RBFOX1: variants seen among roughly 807,000 people sequenced by gnomAD.
RBFOX1 encodes the protein RNA binding protein fox-1 homolog 1.
RBFOX1 carries 8 observed loss-of-function variants against 57.7 expected under a neutral mutation model. The observed-to-expected ratio is 0.14, with a 90% CI of 0.08 to 0.25. The LOEUF is 0.25. Among genes scored for constraint, RBFOX1 ranks in the 10% least tolerant of loss-of-function variants. The pLI, the probability that RBFOX1 is intolerant of heterozygous loss-of-function variation, is 1.00. For missense variants in RBFOX1, 611 were observed against 548.5 expected (o/e 1.11, Z -1.14); for synonymous variants, 326 against 222.4 (o/e 1.47, Z -4.15).
chr16:6,652,265 A>G (rs538222199), intron 2 of RBFOX1, among the ~76,000 whole-genome samples: 1 of 152,268 alleles, frequency 6.6e-6, no homozygotes, highest in Non-Finnish European at 1.5e-5. Context: ...CCTGGCCAAT[A>G]TGGTGAAATC....
intron 4 of RBFOX1, among the ~76,000 whole-genome samples, chr16:7,207,888 C>T (rs190585875): frequency 5.3e-5 from 8 of 152,278 alleles, no homozygotes; most frequent in Admixed American, 5.2e-4. Context: ...TAAATGGTGA[C>T]AGTGAGAGTT....
At chr16:6,351,374 T>TATATATA (rs1484529098) in intron 2 of RBFOX1, among the ~76,000 whole-genome samples, 1 of 50,682 alleles carries the variant, frequency 2.0e-5, no homozygotes, top group East Asian at 4.2e-4. Context: ...ATATATATAT[T>TATATATA]TTTTTTTTTT....
At chr16:6,321,724 A>G (rs77885683) in intron 2 of RBFOX1, among the ~76,000 whole-genome samples, 2,264 of 152,316 alleles carry the variant, frequency 0.015, 62 homozygotes, top group African/African-American at 0.052. Context: ...AGATAAATGC[A>G]TCCACCTTTT....
chr16:6,150,099 C>T (rs1255757810), intron 1 of RBFOX1, among the ~76,000 whole-genome samples: 1 of 152,166 alleles, frequency 6.6e-6, no homozygotes, highest in African/African-American at 2.4e-5. Flanking sequence ...GATGAAAAAT[C>T]ATGGCTTTTG....
chr16:6,590,897 T>G (rs78907160), intron 2 of RBFOX1, among the ~76,000 whole-genome samples: 2,937 of 152,216 alleles, frequency 0.019, 99 homozygotes, highest in African/African-American at 0.066. Flanking sequence ...AAGCAGACCA[T>G]GCATTTGCAC....
At chr16:6,163,365 C>G (rs2096893445) in intron 1 of RBFOX1, among the ~76,000 whole-genome samples, 1 of 152,192 alleles carries the variant, frequency 6.6e-6, no homozygotes, top group Admixed American at 6.5e-5. Context: ...AAACAGATTT[C>G]ATCTGGGAAT....
At chr16:5,343,011 A>G (rs755694477) in intron 1 of RBFOX1, among the ~76,000 whole-genome samples, 3 of 152,182 alleles carry the variant, frequency 2.0e-5, no homozygotes, top group Non-Finnish European at 4.4e-5. Context: ...ACCACCCAAG[A>G]CTAAGTCAAT....
chr16:5,706,856 G>T (rs1444186204), intron 3 of RBFOX1, among the ~76,000 whole-genome samples: 1 of 151,662 alleles, frequency 6.6e-6, no homozygotes, highest in Non-Finnish European at 1.5e-5. Flanking sequence ...CTTTTTTTTT[G>T]GTGTAGGAGG....
At chr16:6,615,989 C>T (rs949878855) in intron 2 of RBFOX1, among the ~76,000 whole-genome samples, 1 of 152,152 alleles carries the variant, frequency 6.6e-6, no homozygotes, top group Non-Finnish European at 1.5e-5. Flanking sequence ...TTGCTGAACT[C>T]TGATTCTGAA....
intron 2 of RBFOX1, among the ~76,000 whole-genome samples, chr16:6,653,769 G>C (rs1003895222): frequency 6.6e-6 from 1 of 151,784 alleles, no homozygotes; most frequent in African/African-American, 2.4e-5. Flanking sequence ...TGAATGGGTG[G>C]ATGGATGGAT....
At chr16:7,011,135 A>C (rs939282454) in intron 3 of RBFOX1, among the ~76,000 whole-genome samples, 2 of 151,944 alleles carry the variant, frequency 1.3e-5, no homozygotes, top group Non-Finnish European at 1.5e-5. Context: ...TGTGTCTTAC[A>C]TAGTTGAAAA....
intron 1 of RBFOX1, among the ~76,000 whole-genome samples, chr16:5,293,765 T>G (rs1469297213): frequency 3.3e-5 from 4 of 123,010 alleles, no homozygotes; most frequent in East Asian, 2.3e-4. Flanking sequence ...GGGGAGGGGA[T>G]GGAGAGTGCT....
chr16:5,408,384 G>C (rs2066920355), intron 1 of RBFOX1, among the ~76,000 whole-genome samples: 2 of 152,188 alleles, frequency 1.3e-5, no homozygotes, highest in African/African-American at 4.8e-5. Context: ...AAGCAAGGCA[G>C]GCTGGGGGCA....
intron 1 of RBFOX1, among the ~76,000 whole-genome samples, chr16:5,376,951 C>G (rs2066000839): frequency 6.7e-6 from 1 of 149,870 alleles, no homozygotes; most frequent in Non-Finnish European, 1.5e-5. Flanking sequence ...CACTGGCTTC[C>G]CTCCCTTCTC....
chr16:6,359,133 C>G (rs566712917), intron 2 of RBFOX1, among the ~76,000 whole-genome samples: 7 of 152,250 alleles, frequency 4.6e-5, no homozygotes, highest in Admixed American at 1.3e-4. Flanking sequence ...AGCTCTGTCA[C>G]CCAGGCTGGA....
At chr16:6,173,604 C>CTTTT (rs35528338) in intron 1 of RBFOX1, among the ~76,000 whole-genome samples, 2,137 of 70,850 alleles carry the variant, frequency 0.03, 265 homozygotes, top group African/African-American at 0.091. Context: ...TGACCACTCC[C>CTTTT]TTTTTTTTTT....
At chr16:5,638,026 A>G (rs77123322) in intron 3 of RBFOX1, among the ~76,000 whole-genome samples, 3 of 152,356 alleles carry the variant, frequency 2.0e-5, no homozygotes, top group African/African-American at 7.2e-5. Context: ...AAAATGGGCA[A>G]TCCCCCATCT....
In RBFOX1 at chr16:6,680,270, CTCTCTT is replaced by C. The variant is rs1440174159; in HGVS notation, c.-16+25622_-16+25627del. ...TCCTGTCTTTGCTTTGCTTTTCTCT[CTCTCTT>C]TTTTTTTTTTTTTTTTTTATTTGTC... On this transcript the variant is annotated intron_variant, in intron 3 of 15. Coordinates refer to ENST00000550418, the MANE Select transcript of RBFOX1 (RefSeq NM_018723.4). Among the ~76,000 whole-genome samples, 9 of 112,348 alleles carry C rather than the reference CTCTCTT, an allele frequency of 8.0e-5. No individual in the cohort carries two copies. In the East Asian group the frequency reaches 8.1e-4, roughly 10 times the overall value. 73.7% of individuals were successfully genotyped at this position (112,348 alleles called of 152,430 possible).
At chr16:7,154,779 T>C (rs2076768270) in intron 4 of RBFOX1, among the ~76,000 whole-genome samples, 1 of 151,252 alleles carries the variant, frequency 6.6e-6, no homozygotes, top group Non-Finnish European at 1.5e-5. Context: ...CATCAGTGAG[T>C]ATGGGATACA....
Sources: gnomAD v4.1 joint callset for allele counts (sites outside exome capture counted in the v4.1 genomes callset) on GRCh38, gnomAD v4.1.1 for gene constraint, MANE v1.5 for transcripts, NCBI Gene and HGNC (gene_info 2026-07-23, HGNC 2026-07-21) for gene names.